ACTN2: variants seen among roughly 807,000 people sequenced by gnomAD.
The protein encoded by ACTN2 is alpha-actinin-2.
A neutral mutation model predicts 113.8 loss-of-function variants in ACTN2; 39 were observed. The ratio of observed to expected loss-of-function variants is 0.34; its 90% CI spans 0.27 to 0.45. ACTN2 has a LOEUF of 0.45. Among genes scored for constraint, ACTN2 ranks in the 20% least tolerant of loss-of-function variants. The probability of loss-of-function intolerance (pLI) is 1.00; values close to 1 mark genes in which losing one functional copy is unlikely to be tolerated. For missense variants in ACTN2, 992 were observed against 1,177.9 expected, an observed-to-expected ratio of 0.84 and a Z score of 2.31; for synonymous variants, 429 against 444.1, an observed-to-expected ratio of 0.97 and a Z score of 0.43.
intron 1 of ACTN2, 135 bp from the exon 2 acceptor site, chr1:236,717,723 C>G (rs535287289): frequency 1.4e-6 from 1 of 700,030 alleles, no homozygotes; most frequent in African/African-American, 1.8e-5. Flanking sequence ...CCATCAAATT[C>G]TGCATCCTCT....
intron 5 of ACTN2, among the ~76,000 whole-genome samples, chr1:236,727,100 G>A (rs974317937): frequency 2.0e-5 from 3 of 152,058 alleles, no homozygotes; most frequent in East Asian, 1.9e-4. Context: ...TGGTGTCTAC[G>A]GCGGAACAGA....
Position 236,762,564 on chromosome 1 carries a change from G to C in ACTN2, c.2630G>C (p.Gly877Ala). 1 of 1,614,186 alleles carries C rather than the reference G, an allele frequency of 6.2e-7. No individual in the cohort carries two copies. Among genetic ancestry groups the C allele is most frequent in the Middle Eastern group, 1.6e-4 (1 of 6,062 alleles). The change falls in exon 21 of 21, where the codon GGT (glycine) becomes GCT (alanine). Residue 877 changes from glycine to alanine, a missense_variant. By Grantham distance (60) the Gly-to-Ala change is moderately conservative. Coordinates refer to ENST00000366578, the MANE Select transcript of ACTN2 (RefSeq NM_001103.4). ...PAYSGPGSVP[G>A]ALDYAAFSSA... The stretch of plus-strand genomic sequence containing the variant: ...TACTCGGGCCCAGGCAGTGTGCCTG[G>C]TGCACTGGATTACGCTGCGTTCTCT...
chr1:236,723,679 ACT>A (rs1294383211), intron 4 of ACTN2, among the ~76,000 whole-genome samples: 1 of 150,706 alleles, frequency 6.6e-6, no homozygotes. Context: ...TGGGTCTTGA[ACT>A]CCTGACCTCA....
chr1:236,730,379 GTGTTTCAC>G (rs66724723), intron 6 of ACTN2, among the ~76,000 whole-genome samples: 8,512 of 151,462 alleles, frequency 0.056, 309 homozygotes, highest in Admixed American at 0.13. Context: ...CACTTTTTCA[GTGTTTCAC>G]TGTATAAAAA....
chr1:236,733,506 C>T (rs1392770267), intron 7 of ACTN2, among the ~76,000 whole-genome samples: 1 of 152,198 alleles, frequency 6.6e-6, no homozygotes, highest in African/African-American at 2.4e-5. Context: ...CCATACTTTT[C>T]TTCGTCTTTC....
intron 1 of ACTN2, among the ~76,000 whole-genome samples, chr1:236,713,325 T>A (rs538715079): frequency 1.3e-5 from 2 of 152,126 alleles, no homozygotes; most frequent in East Asian, 1.9e-4. Context: ...CCTCCCGGGT[T>A]CAAGCAATTC....
At chr1:236,709,218 C>CTGTG (rs200979652) in intron 1 of ACTN2, among the ~76,000 whole-genome samples, 5,577 of 57,118 alleles carry the variant, frequency 0.098, 387 homozygotes, top group African/African-American at 0.23. Context: ...TGACAAATGA[C>CTGTG]TGTATATATA....
chr1:236,708,143 G>C (rs559371744), intron 1 of ACTN2, among the ~76,000 whole-genome samples: 23 of 152,160 alleles, frequency 1.5e-4, no homozygotes, highest in African/African-American at 5.3e-4. Context: ...TTGCTGGACT[G>C]AGCTGTTGCA....
At chr1:236,699,136 A>G (rs946266602) in intron 1 of ACTN2, among the ~76,000 whole-genome samples, 5 of 152,276 alleles carry the variant, frequency 3.3e-5, no homozygotes, top group South Asian at 4.1e-4. Context: ...CTTGATTTTT[A>G]TCACTAAACT....
intron 1 of ACTN2, among the ~76,000 whole-genome samples, chr1:236,715,621 C>T (rs958092554): frequency 6.6e-6 from 1 of 152,134 alleles, no homozygotes; most frequent in Non-Finnish European, 1.5e-5. Flanking sequence ...GTGGCTACTT[C>T]TGGCTAGGAG....
intron 1 of ACTN2, among the ~76,000 whole-genome samples, chr1:236,701,495 C>T (rs1657674287): frequency 6.6e-6 from 1 of 152,172 alleles, no homozygotes; most frequent in African/African-American, 2.4e-5. Context: ...GGCTGTGGGG[C>T]CACCAGCCCG....
chr1:236,749,443 C>T (rs1441085379), intron 14 of ACTN2, among the ~76,000 whole-genome samples, 179 bp downstream of exon 14: 1 of 152,134 alleles, frequency 6.6e-6, no homozygotes, highest in Non-Finnish European at 1.5e-5. Flanking sequence ...CTCTGTGTTG[C>T]AAACCCGTTA....
chr1:236,713,062 C>T (rs1658082175), intron 1 of ACTN2, among the ~76,000 whole-genome samples: 1 of 151,612 alleles, frequency 6.6e-6, no homozygotes, highest in Non-Finnish European at 1.5e-5. Flanking sequence ...GTGTATTTTA[C>T]TGTAATAACT....
chr1:236,715,487 A>G (rs35235564), intron 1 of ACTN2, among the ~76,000 whole-genome samples: 27,120 of 151,992 alleles, frequency 0.18, 4,244 homozygotes, highest in African/African-American at 0.42. Flanking sequence ...CTGTGATGAT[A>G]GGAATGTTGT....
intron 3 of ACTN2, among the ~76,000 whole-genome samples, chr1:236,719,489 T>C (rs959721181): frequency 6.6e-6 from 1 of 152,182 alleles, no homozygotes; most frequent in Non-Finnish European, 1.5e-5. Flanking sequence ...CTTTATTTGA[T>C]TATTTAAAAC....
chr1:236,716,075 A>C (rs1187637081), intron 1 of ACTN2, among the ~76,000 whole-genome samples: 1 of 150,724 alleles, frequency 6.6e-6, no homozygotes, highest in Non-Finnish European at 1.5e-5. Context: ...TTATTACTGT[A>C]AATCCAAAAA....
rs531540672 is a variant in ACTN2, at chr1:236,763,999, G to A, written c.*1380G>A. On this transcript the variant is annotated 3_prime_UTR_variant, in exon 21 of 21. Coordinates refer to ENST00000366578, the MANE Select transcript of ACTN2 (RefSeq NM_001103.4). The stretch of plus-strand genomic sequence containing the variant: ...GGATTACAAACAAACAAAAACAGTT[G>A]CAAACAGCAATTAAAGCATTACTAG... 17 of 152,226 alleles carry A rather than the reference G, an allele frequency of 1.1e-4. No individual in the cohort carries two copies. In the South Asian group the frequency reaches 3.5e-3, roughly 32 times the overall value. 9.4% of individuals were successfully genotyped at this position (152,226 alleles called of 1,614,324 possible). A position where few individuals can be genotyped will look rare whatever the true frequency, so the allele number is the denominator to read the frequency against.
chr1:236,706,023 T>G (rs937196456), intron 1 of ACTN2, among the ~76,000 whole-genome samples: 6 of 152,098 alleles, frequency 3.9e-5, no homozygotes, highest in African/African-American at 1.4e-4. Context: ...ATCTTTAACC[T>G]CTCCACTTAA....
At position 236,710,115 on chromosome 1, in the gene ACTN2, C is replaced by T. The variant is rs149331297; in HGVS notation, c.127-7743C>T. ...CATGTCAGACTCATGATTGATTTTT[C>T]GGGTCCCCGTCTGTGTACCTAGGTA... On this transcript the variant is annotated intron_variant, in intron 1 of 20. Transcript: ENST00000366578. Among the ~76,000 whole-genome samples, 541 of 152,242 alleles carry T rather than the reference C, an allele frequency of 3.6e-3. 2 individuals carry two copies. The highest frequency in any genetic ancestry group is 0.012 in the African/African-American group (490 of 41,538).
Sources: allele counts gnomAD v4.1 joint callset (sites outside exome capture counted in the v4.1 genomes callset), GRCh38; gene constraint gnomAD v4.1.1; transcripts MANE v1.5; gene names NCBI Gene and HGNC (gene_info 2026-07-23, HGNC 2026-07-21).